Variants in HMG20A observed in about 807,000 individuals in gnomAD.
The protein encoded by HMG20A is high mobility group 20A.
In HMG20A, 17 loss-of-function variants were observed where a neutral mutation model predicts 43.9. That is an observed-to-expected ratio of 0.39 (90% CI 0.27 to 0.58). HMG20A has a LOEUF of 0.58. HMG20A is among the 20% of genes least tolerant of loss of function. The pLI, the probability that HMG20A is intolerant of heterozygous loss-of-function variation, is 0.59. For missense variants in HMG20A, 341 were observed against 438.2 expected, an observed-to-expected ratio of 0.78 and a Z score of 1.98; for synonymous variants, 132 against 147.5, an observed-to-expected ratio of 0.89 and a Z score of 0.76.
At chr15:77,424,602 CAT>C (rs1350492697) in intron 1 of HMG20A, among the ~76,000 whole-genome samples, 2 of 152,178 alleles carry the variant, frequency 1.3e-5, no homozygotes, top group Non-Finnish European at 2.9e-5. Context: ...GATTTGCCCA[CAT>C]GTCTGTTTTA....
At chr15:77,435,418 G>C (rs1192798989) in intron 1 of HMG20A, among the ~76,000 whole-genome samples, 2 of 152,050 alleles carry the variant, frequency 1.3e-5, no homozygotes, top group Non-Finnish European at 2.9e-5. Context: ...CAAGTTGCTG[G>C]GACTACAGAT....
chr15:77,485,786 G>T (rs1016357282), downstream of HMG20A, among the ~76,000 whole-genome samples: 1 of 152,162 alleles, frequency 6.6e-6, no homozygotes, highest in Non-Finnish European at 1.5e-5. Context: ...ACAAAAATTA[G>T]CCGGGCATGG....
intron 1 of HMG20A, chr15:77,458,169 C>T (rs1418032572): frequency 3.0e-6 from 1 of 337,498 alleles, no homozygotes; most frequent in African/African-American, 2.2e-5. Flanking sequence ...AACCACATCC[C>T]ATTTGTTAAA....
the HMG20A span, among the ~76,000 whole-genome samples, chr15:77,513,585 G>A: frequency 6.6e-6 from 1 of 152,170 alleles, no homozygotes; most frequent in Non-Finnish European, 1.5e-5. Flanking sequence ...GGCTTCTGGT[G>A]AGTCCTCTCT....
At chr15:77,432,473 G>A (rs986665761) in intron 1 of HMG20A, among the ~76,000 whole-genome samples, 4 of 152,138 alleles carry the variant, frequency 2.6e-5, no homozygotes, top group African/African-American at 7.2e-5. Flanking sequence ...TGTAATCTCA[G>A]CACCTTGGGA....
chr15:77,466,119 G>A (rs1475616854), intron 3 of HMG20A, among the ~76,000 whole-genome samples: 3 of 152,074 alleles, frequency 2.0e-5, no homozygotes, highest in East Asian at 1.9e-4. Flanking sequence ...AGTGGATCAC[G>A]CCTATAATCC....
At chr15:77,459,717 A>T (rs77552157) in intron 2 of HMG20A, among the ~76,000 whole-genome samples, 45 of 152,316 alleles carry the variant, frequency 3.0e-4, no homozygotes, top group Non-Finnish European at 5.7e-4. Flanking sequence ...GGACAGTGTG[A>T]CTAGAGCAGC....
intron 1 of HMG20A, among the ~76,000 whole-genome samples, chr15:77,428,864 G>C (rs372017232): frequency 6.6e-6 from 1 of 151,992 alleles, no homozygotes; most frequent in African/African-American, 2.4e-5. Context: ...TACTCAGGAG[G>C]CTGAGGCCAG....
chr15:77,473,495 C>T (rs140258535), intron 6 of HMG20A, among the ~76,000 whole-genome samples: 1 of 152,278 alleles, frequency 6.6e-6, no homozygotes, highest in East Asian at 1.9e-4. Context: ...CATTAGATCT[C>T]ACATTTTCTA....
At chr15:77,447,383 A>G (rs2073685616) in intron 1 of HMG20A, among the ~76,000 whole-genome samples, 1 of 152,188 alleles carries the variant, frequency 6.6e-6, no homozygotes. Flanking sequence ...ACAAAATACT[A>G]TTCTTAGATG....
chr15:77,465,993 A>G (rs1207769902), intron 3 of HMG20A, among the ~76,000 whole-genome samples: 1 of 152,222 alleles, frequency 6.6e-6, no homozygotes, highest in African/African-American at 2.4e-5. Flanking sequence ...CATCAGTGGT[A>G]CCTCAGTCCT....
chr15:77,516,420 G>A, the HMG20A span, among the ~76,000 whole-genome samples: 2 of 152,258 alleles, frequency 1.3e-5, no homozygotes, highest in East Asian at 3.9e-4. Context: ...AGGCTGCAAT[G>A]AGCCATGATC....
At chr15:77,421,292 C>G (rs2073329709) in intron 1 of HMG20A, among the ~76,000 whole-genome samples, 1 of 152,184 alleles carries the variant, frequency 6.6e-6, no homozygotes, top group Non-Finnish European at 1.5e-5. Flanking sequence ...GAGACATTAT[C>G]TTGCAGCTTG....
the HMG20A span, among the ~76,000 whole-genome samples, chr15:77,510,965 T>C: frequency 2.0e-5 from 3 of 152,236 alleles, no homozygotes; most frequent in East Asian, 1.9e-4. Flanking sequence ...CTTAAAATTC[T>C]GTAGGACCTC....
At chr15:77,506,385 A>G in the HMG20A span, among the ~76,000 whole-genome samples, 1 of 152,034 alleles carries the variant, frequency 6.6e-6, no homozygotes, top group Admixed American at 6.5e-5. Flanking sequence ...CTGGTTCACG[A>G]TGAAGCCGCC....
the HMG20A span, among the ~76,000 whole-genome samples, chr15:77,492,035 G>C: frequency 6.6e-6 from 1 of 152,234 alleles, no homozygotes; most frequent in African/African-American, 2.4e-5. Context: ...TCTGCCACGA[G>C]CTGCTTTGGC....
At chr15:77,516,698 G>A in the HMG20A span, among the ~76,000 whole-genome samples, 2 of 152,130 alleles carry the variant, frequency 1.3e-5, no homozygotes, top group African/African-American at 2.4e-5. Context: ...GAGGCTTTGC[G>A]AAGAGGGGAA....
At chr15:77,503,785 G>C in the HMG20A span, among the ~76,000 whole-genome samples, 5 of 152,308 alleles carry the variant, frequency 3.3e-5, no homozygotes, top group African/African-American at 1.2e-4. Context: ...AACAGATTTT[G>C]ATTCAGTCAC....
chr15:77,473,992 C>G (rs781237926), intron 6 of HMG20A, among the ~76,000 whole-genome samples: 1 of 152,084 alleles, frequency 6.6e-6, no homozygotes, highest in Non-Finnish European at 1.5e-5. Flanking sequence ...AATTTTAGAA[C>G]AATTGCAGTA....
Sources: gnomAD v4.1 joint callset for allele counts (sites outside exome capture counted in the v4.1 genomes callset) on GRCh38, gnomAD v4.1.1 for gene constraint, MANE v1.5 for transcripts, NCBI Gene and HGNC (gene_info 2026-07-23, HGNC 2026-07-21) for gene names.